Variants in VWC2L observed in about 807,000 individuals in gnomAD.
The protein encoded by VWC2L is von Willebrand factor C domain containing 2 like.
VWC2L carries 10 observed loss-of-function variants against 21.6 expected under a neutral mutation model. The observed-to-expected ratio is 0.46, with a 90% CI of 0.29 to 0.78. The LOEUF (loss-of-function observed/expected upper bound fraction) is 0.78. VWC2L is among the 30% of genes least tolerant of loss of function. The probability of loss-of-function intolerance (pLI) is 0.10; values close to 1 mark genes in which losing one functional copy is unlikely to be tolerated. For synonymous variants in VWC2L, 96 were observed against 94.3 expected (o/e 1.02, Z -0.10); for missense variants, 209 against 277.1 (o/e 0.75, Z 1.74).
chr2:214,548,357 T>TA lies in VWC2L; in HGVS notation c.521-27307dup, dbSNP rs140895572. Among the ~76,000 whole-genome samples the TA allele has an allele frequency of 6.2e-3, 937 of 152,142 alleles. 4 individuals carry two copies. Among genetic ancestry groups the TA allele is most frequent in the East Asian group, 0.011 (55 of 5,182 alleles). On this transcript the variant is annotated intron_variant, in intron 3 of 3. Coordinates refer to ENST00000312504, the MANE Select transcript of VWC2L (RefSeq NM_001080500.4). Reference sequence around the variant, plus strand: ...ATTCTCTAGGATCTGCGTGGGCATTTAAAAAAAATGCATGTTGGCAGAGAT... The same window carrying TA: ...ATTCTCTAGGATCTGCGTGGGCATTTAAAAAAAAATGCATGTTGGCAGAGAT...
At chr2:214,489,332 T>A (rs1688715033) in intron 3 of VWC2L, among the ~76,000 whole-genome samples, 1 of 152,174 alleles carries the variant, frequency 6.6e-6, no homozygotes, top group Admixed American at 6.5e-5. Flanking sequence ...AATATAAATT[T>A]TTGTTTTTAA....
intron 2 of VWC2L, among the ~76,000 whole-genome samples, chr2:214,421,922 C>A (rs549513273): frequency 1.6e-5 from 1 of 61,738 alleles, no homozygotes; most frequent in Admixed American, 2.6e-4. Flanking sequence ...GACGGAGTTT[C>A]GCTCTGTCGC....
At chr2:214,569,682 A>T (rs1574642551) in intron 3 of VWC2L, among the ~76,000 whole-genome samples, 1 of 151,778 alleles carries the variant, frequency 6.6e-6, no homozygotes, top group South Asian at 2.1e-4. Flanking sequence ...CATCACTTCA[A>T]CCCCATTAGC....
chr2:214,429,976 A>T (rs1439141619), intron 2 of VWC2L, among the ~76,000 whole-genome samples: 1 of 152,032 alleles, frequency 6.6e-6, no homozygotes, highest in Non-Finnish European at 1.5e-5. Context: ...GGCACCTGCC[A>T]CCACGCCTGG....
chr2:214,429,707 C>T (rs1702572224), intron 2 of VWC2L, among the ~76,000 whole-genome samples: 1 of 152,054 alleles, frequency 6.6e-6, no homozygotes, highest in Non-Finnish European at 1.5e-5. Flanking sequence ...GGAAAAATAT[C>T]GGTTCTTCAC....
intron 3 of VWC2L, among the ~76,000 whole-genome samples, chr2:214,473,322 A>C (rs1363134865): frequency 6.6e-6 from 1 of 152,074 alleles, no homozygotes; most frequent in Non-Finnish European, 1.5e-5. Flanking sequence ...TAACAGATAA[A>C]CCCCCAATTT....
chr2:214,528,365 T>G (rs1231386368), intron 3 of VWC2L, among the ~76,000 whole-genome samples: 1 of 152,188 alleles, frequency 6.6e-6, no homozygotes, highest in African/African-American at 2.4e-5. Context: ...CTTGAAGAGA[T>G]AAGCCCCACA....
intron 3 of VWC2L, among the ~76,000 whole-genome samples, chr2:214,574,036 G>A (rs1470107158): frequency 6.6e-6 from 1 of 152,194 alleles, no homozygotes; most frequent in African/African-American, 2.4e-5. Flanking sequence ...CAGCTACCTG[G>A]GAGGCTGAGG....
At chr2:214,541,361 A>G (rs1689623922) in intron 3 of VWC2L, among the ~76,000 whole-genome samples, 1 of 152,152 alleles carries the variant, frequency 6.6e-6, no homozygotes, top group Non-Finnish European at 1.5e-5. Flanking sequence ...CACTAGACAT[A>G]TGTCCTTTTC....
intron 3 of VWC2L, among the ~76,000 whole-genome samples, chr2:214,571,462 T>G (rs937753555): frequency 2.0e-5 from 3 of 152,232 alleles, no homozygotes; most frequent in Non-Finnish European, 4.4e-5. Flanking sequence ...GTGTTTTCAT[T>G]CATTATCAAA....
intron 2 of VWC2L, among the ~76,000 whole-genome samples, chr2:214,421,915 G>A (rs1299789154): frequency 5.7e-5 from 2 of 35,246 alleles, no homozygotes; most frequent in Non-Finnish European, 9.8e-5. Context: ...TTTTTGAGAC[G>A]GAGTTTCGCT....
At chr2:214,467,776 T>C (rs534353968) in intron 3 of VWC2L, among the ~76,000 whole-genome samples, 1 of 152,276 alleles carries the variant, frequency 6.6e-6, no homozygotes, top group Non-Finnish European at 1.5e-5. Flanking sequence ...TAAATGATGG[T>C]CATTCAATAA....
chr2:214,442,823 T>C (rs1038242606), intron 3 of VWC2L, among the ~76,000 whole-genome samples: 1 of 152,188 alleles, frequency 6.6e-6, no homozygotes, highest in Admixed American at 6.5e-5. Context: ...ACATTGCTTA[T>C]GATTATTAAT....
At chr2:214,505,327 C>A (rs1688952662) in intron 3 of VWC2L, among the ~76,000 whole-genome samples, 1 of 152,140 alleles carries the variant, frequency 6.6e-6, no homozygotes, top group African/African-American at 2.4e-5. Context: ...AACAGTGGTA[C>A]ATAAACCTCC....
intron 3 of VWC2L, among the ~76,000 whole-genome samples, chr2:214,560,481 C>A (rs1689949516): frequency 6.6e-6 from 1 of 152,128 alleles, no homozygotes; most frequent in East Asian, 1.9e-4. Context: ...GTGTGTTATG[C>A]ATATCAAGCA....
At chr2:214,516,450 A>G (rs1219490068) in intron 3 of VWC2L, among the ~76,000 whole-genome samples, 2 of 152,094 alleles carry the variant, frequency 1.3e-5, no homozygotes, top group Non-Finnish European at 2.9e-5. Flanking sequence ...CTACACCAGC[A>G]CGCCCAAAAC....
chr2:214,439,994 A>C (rs2126180050), intron 3 of VWC2L, among the ~76,000 whole-genome samples: 1 of 152,080 alleles, frequency 6.6e-6, no homozygotes, highest in Admixed American at 6.6e-5. Flanking sequence ...TTTAAGAATA[A>C]GTTTAAGAAC....
At chr2:214,527,578 T>C (rs1689362946) in intron 3 of VWC2L, among the ~76,000 whole-genome samples, 1 of 152,114 alleles carries the variant, frequency 6.6e-6, no homozygotes. Flanking sequence ...TCAGGGCCTT[T>C]GCACTTGTCA....
chr2:214,496,212 GA>G (rs1688809096), intron 3 of VWC2L, among the ~76,000 whole-genome samples: 1 of 106,652 alleles, frequency 9.4e-6, no homozygotes, highest in South Asian at 2.7e-4. Context: ...TCTAATCATA[GA>G]TAAAGTACAA....
Sources: allele counts gnomAD v4.1 joint callset (sites outside exome capture counted in the v4.1 genomes callset), GRCh38; gene constraint gnomAD v4.1.1; transcripts MANE v1.5; gene names NCBI Gene and HGNC (gene_info 2026-07-23, HGNC 2026-07-21).